Variants in VIPR2 observed in about 807,000 individuals in gnomAD.
VIPR2 encodes vasoactive intestinal polypeptide receptor 2.
In VIPR2, 48 loss-of-function variants were observed where a neutral mutation model predicts 58.0. That is an observed-to-expected ratio of 0.83 (90% CI 0.66 to 1.05). VIPR2 has a LOEUF of 1.05. VIPR2 is among the 50% of genes least tolerant of loss of function. The pLI is 0.00. For missense variants in VIPR2, 534 were observed against 558.0 expected, an observed-to-expected ratio of 0.96 and a Z score of 0.43; for synonymous variants, 243 against 235.2, an observed-to-expected ratio of 1.03 and a Z score of -0.30.
intron 4 of VIPR2, among the ~76,000 whole-genome samples, chr7:159,085,718 T>G (rs1385805802): frequency 1.3e-5 from 1 of 79,206 alleles, no homozygotes; most frequent in African/African-American, 6.7e-5. Flanking sequence ...TTGTTTCAGT[T>G]TTTTTTTTTC....
intron 5 of VIPR2, among the ~76,000 whole-genome samples, chr7:159,048,987 A>AC (rs1281079987): frequency 6.6e-6 from 1 of 151,908 alleles, no homozygotes; most frequent in Non-Finnish European, 1.5e-5. Context: ...AGTTTCTTGA[A>AC]CCTTATTTTT....
chr7:159,044,816 A>G (rs892185854), intron 5 of VIPR2, among the ~76,000 whole-genome samples: 4 of 151,878 alleles, frequency 2.6e-5, no homozygotes, highest in Non-Finnish European at 4.4e-5. Flanking sequence ...CCCAGGCTGG[A>G]GTGCAATGGC....
chr7:159,036,705 C>CGATGG, intron 7 of VIPR2, 47 bp downstream of exon 7: 3 of 1,575,364 alleles, frequency 1.9e-6, no homozygotes, highest in South Asian at 2.3e-5. Flanking sequence ...TTGTTTGGTC[C>CGATGG]GATGGGATGG....
At chr7:159,056,089 T>G (rs1855313052) in intron 5 of VIPR2, among the ~76,000 whole-genome samples, 1 of 152,212 alleles carries the variant, frequency 6.6e-6, no homozygotes, top group African/African-American at 2.4e-5. Flanking sequence ...TTCCTGGGGC[T>G]GCACTCTCCA....
At chr7:159,034,822 T>C (rs1853826432) in intron 8 of VIPR2, among the ~76,000 whole-genome samples, 172 bp from the exon 9 acceptor site, 1 of 152,122 alleles carries the variant, frequency 6.6e-6, no homozygotes, top group African/African-American at 2.4e-5. Flanking sequence ...TTGTGTTTTG[T>C]TTCATGCTTT....
chr7:159,139,767 C>T (rs182422706), intron 2 of VIPR2, among the ~76,000 whole-genome samples: 18 of 152,278 alleles, frequency 1.2e-4, no homozygotes, highest in East Asian at 1.2e-3. Flanking sequence ...CCTCCAGACG[C>T]GGGTGTAAGA....
chr7:159,054,147 C>T (rs879352846), intron 5 of VIPR2, among the ~76,000 whole-genome samples: 18 of 152,268 alleles, frequency 1.2e-4, no homozygotes, highest in South Asian at 6.2e-4. Context: ...TCCCGGACAA[C>T]GGGATACACA....
rs372997924 is a variant in VIPR2 at position 159,090,719 on chromosome 7, C to A, written c.357+13038G>T. ...GGCCACCTCTTGTGACTATCACAATCCCCAGTGACCTCAGCACAGACATGC... is the reference window on the plus strand; with the variant it reads ...GGCCACCTCTTGTGACTATCACAATACCCAGTGACCTCAGCACAGACATGC... On this transcript the variant is annotated intron_variant, in intron 4 of 12. Coordinates refer to ENST00000262178, the MANE Select transcript of VIPR2 (RefSeq NM_003382.5). Among the ~76,000 whole-genome samples the A allele has an allele frequency of 7.4e-4, 93 of 126,048 alleles. No homozygotes were observed. The East Asian group carries it at 0.021, about 28-fold the overall frequency. The allele number at this position is 126,048 out of a possible 152,430, so 82.7% of individuals were successfully genotyped here. A position where few individuals can be genotyped will look rare whatever the true frequency, so the allele number is the denominator to read the frequency against.
chr7:159,139,583 A>T (rs897370857), intron 2 of VIPR2, among the ~76,000 whole-genome samples: 1 of 152,156 alleles, frequency 6.6e-6, no homozygotes, highest in Non-Finnish European at 1.5e-5. Flanking sequence ...CCATTGTTTT[A>T]AAAAAAATCA....
rs1024357316 is a variant in VIPR2 at position 159,127,344 on chromosome 7, G to A, written c.151+15102C>T. Among the ~76,000 whole-genome samples, 8 of 152,274 alleles carry A rather than the reference G, an allele frequency of 5.3e-5. No individual in the cohort carries two copies. In the South Asian group the frequency reaches 8.3e-4, roughly 16 times the overall value. ...TGGGGTTCAGGTGGATTCCACAGGCGGGGGCCACATTCTGGTACCTGAACA... is the reference window on the plus strand; with the variant it reads ...TGGGGTTCAGGTGGATTCCACAGGCAGGGGCCACATTCTGGTACCTGAACA... On this transcript the variant is annotated intron_variant, in intron 2 of 12. Transcript: ENST00000262178. This position sits in a 1 kb window ranked among gnomAD's most constrained non-coding sequence, Gnocchi z 4.6.
Position 159,056,374 on chromosome 7 carries a change from T to C in VIPR2, c.455+2107A>G, listed in dbSNP as rs187083985. Among the ~76,000 whole-genome samples, 362 of 152,284 alleles carry C rather than the reference T, an allele frequency of 2.4e-3. 1 individual carries two copies. The highest frequency in any genetic ancestry group is 4.2e-3 in the Admixed American group (64 of 15,300). ...GAGAATAGGCCATACTTCTGATCTG[T>C]GGTATCCATCAATACAGAGGGCTGA... On this transcript the variant is annotated intron_variant, in intron 5 of 12. Transcript: ENST00000262178.
chr7:159,041,438 G>A (rs115969350), intron 6 of VIPR2, among the ~76,000 whole-genome samples: 1,638 of 141,186 alleles, frequency 0.012, 30 homozygotes, highest in African/African-American at 0.041. Flanking sequence ...AGGGTCTGTC[G>A]AGGGTCCTAA....
chr7:159,040,759 G>A lies in VIPR2; in HGVS notation c.597+2276C>T, dbSNP rs531038741. ...TATTTTTCCTGTTTCTTATACTGAG[G>A]TCTGACTATTTCTGGCTGACTTGTT... is the stretch of plus-strand genomic sequence containing the variant. On this transcript the variant is annotated intron_variant, in intron 6 of 12. Coordinates refer to ENST00000262178, the MANE Select transcript of VIPR2 (RefSeq NM_003382.5). 4.6e-5 allele frequency among the ~76,000 whole-genome samples: 7 copies of A among 152,296 alleles called. No homozygotes were observed. In the South Asian group the frequency reaches 1.5e-3, roughly 32 times the overall value.
rs547001994 is a variant in VIPR2, at chr7:159,061,265, C to G, written c.358-2687G>C. Among the ~76,000 whole-genome samples the G allele has an allele frequency of 2.4e-4, 36 of 150,876 alleles. No individual in the cohort carries two copies. The South Asian group carries it at 5.7e-3, about 24-fold the overall frequency. On this transcript the variant is annotated intron_variant, in intron 4 of 12. Transcript: ENST00000262178. The stretch of plus-strand genomic sequence containing the variant: ...ATGCTCTGTAGCTGGGTGGCGGGAT[C>G]AGTCAGACCCCAAACTTATCATCAT...
intron 5 of VIPR2, among the ~76,000 whole-genome samples, chr7:159,053,259 T>C (rs1024360169): frequency 1.3e-5 from 2 of 152,070 alleles, no homozygotes; most frequent in African/African-American, 4.8e-5. Flanking sequence ...TTTGAAGCAA[T>C]ATTAATATAC....
At chr7:159,133,053 G>T (rs1308552805) in intron 2 of VIPR2, among the ~76,000 whole-genome samples, 1 of 106,468 alleles carries the variant, frequency 9.4e-6, no homozygotes, top group East Asian at 2.3e-4. Context: ...CCTCCCTAAA[G>T]GAATCTCTAC....
chr7:159,116,602 G>T (rs7810730), intron 2 of VIPR2, among the ~76,000 whole-genome samples: 1 of 152,148 alleles, frequency 6.6e-6, no homozygotes, highest in African/African-American at 2.4e-5. Flanking sequence ...AGACTAAGTC[G>T]TTCAGAAAAA....
intron 10 of VIPR2, among the ~76,000 whole-genome samples, chr7:159,033,360 C>T (rs944351833): frequency 1.3e-5 from 2 of 152,210 alleles, no homozygotes; most frequent in African/African-American, 4.8e-5. Flanking sequence ...TGCCATGGTA[C>T]AGCTCTGTGC....
intron 8 of VIPR2, among the ~76,000 whole-genome samples, chr7:159,035,252 C>T (rs1476440282): frequency 7.2e-5 from 11 of 152,126 alleles, no homozygotes; most frequent in East Asian, 1.9e-4. Flanking sequence ...CCTCGGGGGC[C>T]GAGGGCAGGA....
Sources: allele counts gnomAD v4.1 joint callset (sites outside exome capture counted in the v4.1 genomes callset), GRCh38; gene constraint gnomAD v4.1.1; non-coding constraint Gnocchi (gnomAD v3.1); transcripts MANE v1.5; gene names NCBI Gene and HGNC (gene_info 2026-07-23, HGNC 2026-07-21).